The following CACNB4 variants were observed in gnomAD, a reference collection of about 807,000 sequenced individuals.
The protein encoded by CACNB4 is voltage-dependent L-type calcium channel subunit beta-4.
CACNB4 carries 32 observed loss-of-function variants against 71.2 expected under a neutral mutation model. The observed-to-expected ratio is 0.45, with a 90% CI of 0.34 to 0.60. The LOEUF is 0.60. Among genes scored for constraint, CACNB4 ranks in the 20% least tolerant of loss-of-function variants. CACNB4 has a pLI of 0.01. For missense variants in CACNB4, 464 were observed against 647.9 expected (o/e 0.72, Z 3.08); for synonymous variants, 231 against 236.9 (o/e 0.97, Z 0.23).
At chr2:152,077,700 T>C (rs1204812312) in intron 2 of CACNB4, among the ~76,000 whole-genome samples, 1 of 151,780 alleles carries the variant, frequency 6.6e-6, no homozygotes, top group Non-Finnish European at 1.5e-5. Flanking sequence ...CATTGCATTC[T>C]AGCCTGGGCG....
chr2:151,992,666 C>T (rs762353551), intron 2 of CACNB4, among the ~76,000 whole-genome samples: 4 of 152,140 alleles, frequency 2.6e-5, no homozygotes, highest in Non-Finnish European at 5.9e-5. Context: ...GGGAGCAGAG[C>T]AAATTTAAGT....
chr2:151,863,462 T>C (rs372930017), intron 9 of CACNB4, among the ~76,000 whole-genome samples: 1 of 152,210 alleles, frequency 6.6e-6, no homozygotes, highest in African/African-American at 2.4e-5. Context: ...AATCCAAATA[T>C]ATGACGAGAG....
At chr2:152,053,245 G>A (rs1195360036) in intron 2 of CACNB4, among the ~76,000 whole-genome samples, 2 of 152,188 alleles carry the variant, frequency 1.3e-5, no homozygotes, top group Non-Finnish European at 2.9e-5. Flanking sequence ...CAACCTCTGG[G>A]AAGGGAGCGG....
At chr2:151,956,471 C>T (rs1047810998) in intron 2 of CACNB4, among the ~76,000 whole-genome samples, 24 of 152,148 alleles carry the variant, frequency 1.6e-4, no homozygotes, top group African/African-American at 2.9e-4. Flanking sequence ...TCCCAATGTA[C>T]GAAATATCCA....
At position 151,970,068 on chromosome 2, in the gene CACNB4, T is replaced by C. The variant is rs1293643542; in HGVS notation, c.148-86698A>G. 2.0e-5 allele frequency: 3 copies of C among 152,186 alleles called. No individual in the cohort carries two copies. In the East Asian group the frequency reaches 5.8e-4, roughly 29 times the overall value. The allele number at this position is 152,186 out of a possible 1,614,324, so 9.4% of individuals were successfully genotyped here. ...TCAGAGAAATGAACTATTACTCCTATGTGCAACTAACCCCGGCATCACCGT... is the reference window on the plus strand; with the variant it reads ...TCAGAGAAATGAACTATTACTCCTACGTGCAACTAACCCCGGCATCACCGT... On this transcript the variant is annotated intron_variant, in intron 2 of 13. Transcript: ENST00000539935.
intron 2 of CACNB4, among the ~76,000 whole-genome samples, chr2:152,043,664 G>A (rs572494313): frequency 1.3e-5 from 2 of 151,872 alleles, no homozygotes; most frequent in Admixed American, 6.5e-5. Flanking sequence ...GACTATGTGC[G>A]TGTATACACG....
chr2:152,033,737 G>C (rs1224240451), intron 2 of CACNB4, among the ~76,000 whole-genome samples: 1 of 152,182 alleles, frequency 6.6e-6, no homozygotes, highest in Non-Finnish European at 1.5e-5. Flanking sequence ...GTGGGGGTGT[G>C]AGAAAGTGGG....
chr2:151,975,908 G>C (rs1200522978), intron 2 of CACNB4, among the ~76,000 whole-genome samples: 1 of 152,168 alleles, frequency 6.6e-6, no homozygotes, highest in Non-Finnish European at 1.5e-5. Context: ...AGAAGACAGA[G>C]GCAGCCCACT....
Position 152,079,213 on chromosome 2 carries a change from C to T in CACNB4, c.147+19117G>A, listed in dbSNP as rs1430075340. Among the ~76,000 whole-genome samples the T allele has an allele frequency of 3.3e-5, 5 of 152,120 alleles. No homozygotes were observed. The East Asian group carries it at 9.7e-4, about 30-fold the overall frequency. On this transcript the variant is annotated intron_variant, in intron 2 of 13. Transcript: ENST00000539935. ...ACGCCATTCTCCTGCCTCAGCCTCC[C>T]GAGTAGCTGAGACTACAGGTACCCG...
rs370117339 is a variant in CACNB4 at position 152,081,549 on chromosome 2, T to C, written c.147+16781A>G. Among the ~76,000 whole-genome samples, 171 of 152,254 alleles carry C rather than the reference T, an allele frequency of 1.1e-3. No individual in the cohort carries two copies. In the Middle Eastern group the frequency reaches 0.017, roughly 15 times the overall value. ...TGGTTCTTAGTAAGGGCCCTTTTCC[T>C]GGCTTGCAGACAGCCACCCTCTAGC... On this transcript the variant is annotated intron_variant, in intron 2 of 13. Transcript: ENST00000539935.
chr2:151,872,037 A>G (rs2099844770), intron 6 of CACNB4: 2 of 269,172 alleles, frequency 7.4e-6, no homozygotes, highest in Non-Finnish European at 1.4e-5. Context: ...GAAATTCCAC[A>G]TGGAGACTGA....
At chr2:152,058,540 G>A (rs1685843383) in intron 2 of CACNB4, among the ~76,000 whole-genome samples, 1 of 152,248 alleles carries the variant, frequency 6.6e-6, no homozygotes, top group Non-Finnish European at 1.5e-5. Flanking sequence ...CTTTAGCAAA[G>A]AGACTGGCAG....
At chr2:151,842,760 T>C (rs2099836546) in intron 12 of CACNB4, among the ~76,000 whole-genome samples, 1 of 152,144 alleles carries the variant, frequency 6.6e-6, no homozygotes, top group Non-Finnish European at 1.5e-5. Flanking sequence ...CTCTACACAC[T>C]TTGGAATATG....
chr2:151,882,131 G>GGCCTCCAAAAGT (rs1553759958), intron 3 of CACNB4, among the ~76,000 whole-genome samples: 1 of 147,076 alleles, frequency 6.8e-6, no homozygotes, highest in Non-Finnish European at 1.5e-5. Context: ...TGCCCGCCTC[G>GGCCTCCAAAAGT]GCCTCCCAAA....
intron 2 of CACNB4, among the ~76,000 whole-genome samples, chr2:151,947,098 A>G (rs1162457517): frequency 2.0e-5 from 3 of 152,160 alleles, no homozygotes; most frequent in South Asian, 2.1e-4. Flanking sequence ...AGAAAAAGCA[A>G]CCCCATGAAA....
chr2:152,076,864 A>G (rs1687060097), intron 2 of CACNB4, among the ~76,000 whole-genome samples: 1 of 152,262 alleles, frequency 6.6e-6, no homozygotes, highest in African/African-American at 2.4e-5. Context: ...TGGAGCTTAC[A>G]TTCCAGTGAG....
intron 2 of CACNB4, among the ~76,000 whole-genome samples, chr2:151,979,773 CAG>C (rs774066367): frequency 6.6e-6 from 1 of 152,172 alleles, no homozygotes; most frequent in Non-Finnish European, 1.5e-5. Context: ...ATCCTGAAGA[CAG>C]AAATTGAACC....
chr2:151,985,758 C>T (rs188610877), intron 2 of CACNB4, among the ~76,000 whole-genome samples: 2 of 151,262 alleles, frequency 1.3e-5, no homozygotes, highest in East Asian at 3.9e-4. Flanking sequence ...CCTACTGTCT[C>T]TGAGTGAGGA....
chr2:151,993,702 G>C (rs1681858041), intron 2 of CACNB4, among the ~76,000 whole-genome samples: 1 of 151,596 alleles, frequency 6.6e-6, no homozygotes, highest in South Asian at 2.1e-4. Context: ...GTAGCTGGGA[G>C]TACAGGTGTG....
Sources: allele counts gnomAD v4.1 joint callset (sites outside exome capture counted in the v4.1 genomes callset), GRCh38; gene constraint gnomAD v4.1.1; transcripts MANE v1.5; gene names NCBI Gene and HGNC (gene_info 2026-07-23, HGNC 2026-07-21).